Variants in DLEC1 observed in about 807,000 individuals in gnomAD.
DLEC1 encodes DLEC1 cilia and flagella associated protein.
DLEC1 carries 146 observed loss-of-function variants against 198.1 expected under a neutral mutation model. That is an observed-to-expected ratio of 0.74 (90% CI 0.64 to 0.85). DLEC1 has a LOEUF of 0.85. DLEC1 is among the 40% of genes least tolerant of loss of function. The pLI is 0.00. For missense variants in DLEC1, 2,233 were observed against 2,220.0 expected, an observed-to-expected ratio of 1.01 and a Z score of -0.12; for synonymous variants, 897 against 866.8, an observed-to-expected ratio of 1.03 and a Z score of -0.61.
At chr3:38,084,022 G>C in intron 6 of DLEC1, 136 bp from the exon 7 acceptor site, 1 of 728,898 alleles carries the variant, frequency 1.4e-6, no homozygotes, top group African/African-American at 1.8e-5. Context: ...AGCCAGCTTC[G>C]ACAGTTACCA....
chr3:38,100,542 T>C, intron 19 of DLEC1, 117 bp downstream of exon 19: 1 of 1,323,698 alleles, frequency 7.6e-7, no homozygotes, highest in East Asian at 2.8e-5. Context: ...ATCCAGAAAA[T>C]TAGTATTCTA....
rs1699751117 is a variant in DLEC1 at position 38,109,535 on chromosome 3, C to T, written c.3233C>T (p.Thr1078Ile). Residue 1078 changes from threonine to isoleucine, a missense_variant, in exon 22 of 37, where the codon ACC becomes ATC. Thr to Ile is a moderately conservative substitution (Grantham distance 89, BLOSUM62 -1). Transcript: ENST00000308059. Reference protein sequence around the residue: ...GKPQGLQVAITISKESSDCST... With the variant: ...GKPQGLQVAIIISKESSDCST... ...CCCCAGGGACTGCAAGTGGCCATTA[C>T]CATCTCTAAGGAGAGCTCTGATTGC... 1.2e-6 allele frequency: 2 copies of T among 1,614,088 alleles called. No homozygotes were observed. The highest frequency in any genetic ancestry group is 1.7e-5 in the Admixed American group (1 of 60,012).
intron 9 of DLEC1, among the ~76,000 whole-genome samples, chr3:38,086,646 TTCAC>T (rs1698473991): frequency 6.6e-6 from 1 of 152,228 alleles, no homozygotes; most frequent in South Asian, 2.1e-4. Context: ...TGTGACTGCA[TTCAC>T]TCATTCAGTC....
In DLEC1 at chr3:38,092,840, C is replaced by T; in HGVS notation, c.1716C>T (p.Ile572=). The T allele has an allele frequency of 6.2e-7, 1 of 1,614,202 alleles. No individual in the cohort carries two copies. Among genetic ancestry groups the T allele is most frequent in the Non-Finnish European group, 8.5e-7 (1 of 1,180,030 alleles). The change falls in exon 11 of 37, where the codon ATC becomes ATT. Residue 572 remains isoleucine, a synonymous_variant. Coordinates refer to ENST00000308059, the MANE Select transcript of DLEC1 (RefSeq NM_007335.4). Reference sequence around the variant, plus strand: ...GAAAGGCAGAGCAGACCTTCATCATCATGTGCGACAACTGCCAGATAAAGG... The same window carrying T: ...GAAAGGCAGAGCAGACCTTCATCATTATGTGCGACAACTGCCAGATAAAGG... The part of the protein sequence containing the change: ...SLGKAEQTFI[I]MCDNCQIKEL...
At chr3:38,063,316 A>T (rs1188069189) in intron 5 of DLEC1, among the ~76,000 whole-genome samples, 2 of 152,204 alleles carry the variant, frequency 1.3e-5, no homozygotes, top group Non-Finnish European at 2.9e-5. Flanking sequence ...TACAAAAACT[A>T]GCTGGGTATG....
chr3:38,094,785 C>A, intron 12 of DLEC1, 94 bp from the exon 13 acceptor site: 2 of 1,449,012 alleles, frequency 1.4e-6, no homozygotes, highest in South Asian at 2.6e-5. Flanking sequence ...AGGTCCTTTC[C>A]TGCTCCCTCT....
chr3:38,084,410 GGTA>G lies in DLEC1; in HGVS notation c.1261+174_1261+176del, dbSNP rs1348107208. Reference sequence around the variant, plus strand: ...TAGTGGTAGTAGTAGTAGTGGTGGTGGTAGTAGTAGTGGTAGTAGTAGTAGTGG... The same window carrying G: ...TAGTGGTAGTAGTAGTAGTGGTGGTGGTAGTAGTGGTAGTAGTAGTAGTGG... On this transcript the variant is annotated intron_variant, in intron 7 of 36. Coordinates refer to ENST00000308059, the MANE Select transcript of DLEC1 (RefSeq NM_007335.4). Among the ~76,000 whole-genome samples the G allele has an allele frequency of 6.3e-3, 735 of 115,902 alleles. 52 individuals are homozygous for G. Among genetic ancestry groups the G allele is most frequent in the African/African-American group, 0.021 (663 of 30,884 alleles). The allele number at this position is 115,902 out of a possible 152,430, so 76.0% of individuals were successfully genotyped here.
intron 6 of DLEC1, among the ~76,000 whole-genome samples, chr3:38,069,050 T>C (rs1223069007): frequency 6.6e-6 from 1 of 152,104 alleles, no homozygotes. Flanking sequence ...ACAAAAGTAG[T>C]ATACTATTTG....
chr3:38,041,080 A>G (rs9814596), intron 1 of DLEC1, among the ~76,000 whole-genome samples: 58,045 of 151,808 alleles, frequency 0.38, 11,346 homozygotes, highest in East Asian at 0.59. Context: ...GCGCAATCTC[A>G]GCTCACTGCA....
chr3:38,096,861 C>A, intron 15 of DLEC1, 124 bp downstream of exon 15: 1 of 1,237,994 alleles, frequency 8.1e-7, no homozygotes, highest in Non-Finnish European at 1.1e-6. Context: ...GAGGCCATTC[C>A]CAGGGCTTTG....
intron 30 of DLEC1, 43 bp downstream of exon 30, chr3:38,117,143 C>A (rs188643677): frequency 2.8e-5 from 45 of 1,613,894 alleles, no homozygotes; most frequent in Non-Finnish European, 3.3e-5. Flanking sequence ...GCCACTGCTC[C>A]CTCCTGGGTA....
intron 2 of DLEC1, among the ~76,000 whole-genome samples, chr3:38,048,147 G>T (rs914801053): frequency 6.6e-6 from 1 of 152,198 alleles, no homozygotes; most frequent in African/African-American, 2.4e-5. Context: ...TTGACAATCA[G>T]CTGTCTTTGA....
At chr3:38,056,823 C>A (rs1487353005) in intron 2 of DLEC1, among the ~76,000 whole-genome samples, 2 of 152,122 alleles carry the variant, frequency 1.3e-5, no homozygotes, top group African/African-American at 4.8e-5. Context: ...AAGAAGGTGG[C>A]AAACAGCTCA....
chr3:38,044,530 T>C (rs1342387620), intron 1 of DLEC1, among the ~76,000 whole-genome samples: 3 of 151,354 alleles, frequency 2.0e-5, no homozygotes, highest in Non-Finnish European at 4.4e-5. Context: ...GCCATTGCAC[T>C]CCAGCCTGGG....
intron 6 of DLEC1, among the ~76,000 whole-genome samples, chr3:38,066,547 C>T (rs923404530): frequency 1.3e-5 from 2 of 152,200 alleles, no homozygotes; most frequent in African/African-American, 4.8e-5. Context: ...GTAATTCCTG[C>T]AAGAGCAGAG....
At position 38,044,472 on chromosome 3, in the gene DLEC1, A is replaced by T. The variant is rs544665815; in HGVS notation, c.412-1071A>T. Among the ~76,000 whole-genome samples, 3 of 152,188 alleles carry T rather than the reference A, an allele frequency of 2.0e-5. No individual in the cohort carries two copies. In the South Asian group the frequency reaches 6.2e-4, roughly 32 times the overall value. On this transcript the variant is annotated intron_variant, in intron 1 of 36. Transcript: ENST00000308059. ...CAGCTGCTTCAGAGGCTGAGGCAGG[A>T]GAATCACTTGAACCCGGGAGGCAGA...
intron 12 of DLEC1, among the ~76,000 whole-genome samples, chr3:38,094,088 T>C (rs1698885823): frequency 6.6e-6 from 1 of 152,184 alleles, no homozygotes; most frequent in South Asian, 2.1e-4. Context: ...TTATGTTAGA[T>C]AGTGCTGCCC....
chr3:38,109,826 G>A (rs1699767890), intron 22 of DLEC1: 2 of 703,822 alleles, frequency 2.8e-6, no homozygotes, highest in Admixed American at 2.9e-5. Context: ...CAGGGCTGTA[G>A]GTACCCTGGG....
In DLEC1 at chr3:38,082,138, C is replaced by T. The variant is rs866176750; in HGVS notation, c.1174-2020C>T. Among the ~76,000 whole-genome samples, 41 of 148,160 alleles carry T rather than the reference C, an allele frequency of 2.8e-4. No homozygotes were observed. The East Asian group carries it at 7.0e-3, about 25-fold the overall frequency. Reference sequence around the variant, plus strand: ...AGACGGGGTCTCGGCCAGGCAGAGGCGCTCCTCACATCCCAGATGGGGCGG... The same window carrying T: ...AGACGGGGTCTCGGCCAGGCAGAGGTGCTCCTCACATCCCAGATGGGGCGG... On this transcript the variant is annotated intron_variant, in intron 6 of 36. Coordinates refer to ENST00000308059, the MANE Select transcript of DLEC1 (RefSeq NM_007335.4).
Sources: gnomAD v4.1 joint callset for allele counts (sites outside exome capture counted in the v4.1 genomes callset) on GRCh38, gnomAD v4.1.1 for gene constraint, MANE v1.5 for transcripts, NCBI Gene and HGNC (gene_info 2026-07-23, HGNC 2026-07-21) for gene names.